The following LARS2 variants were observed in gnomAD, a reference collection of about 807,000 sequenced individuals.
The protein encoded by LARS2 is leucine--tRNA ligase, mitochondrial.
A neutral mutation model predicts 116.6 loss-of-function variants in LARS2; 81 were observed. The observed-to-expected ratio is 0.69, with a 90% CI of 0.58 to 0.84. The LOEUF (loss-of-function observed/expected upper bound fraction) is 0.84, where lower values mean the gene tolerates loss of function less well. Among genes scored for constraint, LARS2 ranks in the 40% least tolerant of loss-of-function variants. The probability of loss-of-function intolerance (pLI) is 0.00; values close to 1 mark genes in which losing one functional copy is unlikely to be tolerated. For missense variants in LARS2, 968 were observed against 1,114.5 expected (o/e 0.87, Z 1.87); for synonymous variants, 396 against 407.2 (o/e 0.97, Z 0.33).
chr3:45,393,205 A>G (rs1436249445), intron 2 of LARS2, among the ~76,000 whole-genome samples: 2 of 152,126 alleles, frequency 1.3e-5, no homozygotes, highest in African/African-American at 2.4e-5. Flanking sequence ...CATGTTATAT[A>G]TTTTTGTTTC....
chr3:45,390,240 C>T (rs1471585542), intron 1 of LARS2, among the ~76,000 whole-genome samples: 1 of 152,194 alleles, frequency 6.6e-6, no homozygotes, highest in African/African-American at 2.4e-5. Context: ...TTCATATTAA[C>T]TATATGTCCT....
intron 20 of LARS2, among the ~76,000 whole-genome samples, chr3:45,529,550 CAAA>C (rs796789532): frequency 2.1e-5 from 2 of 97,108 alleles, no homozygotes; most frequent in African/African-American, 3.8e-5. Flanking sequence ...ACTCCATCTC[CAAA>C]AAAAAAAAAA....
intron 12 of LARS2, among the ~76,000 whole-genome samples, chr3:45,489,446 C>A (rs1699873468): frequency 6.6e-6 from 1 of 151,776 alleles, no homozygotes; most frequent in Non-Finnish European, 1.5e-5. Flanking sequence ...CCCCCACCCC[C>A]ACCCCAGGGA....
intron 17 of LARS2, among the ~76,000 whole-genome samples, chr3:45,516,499 C>T (rs1350916066): frequency 6.6e-6 from 1 of 152,164 alleles, no homozygotes; most frequent in Non-Finnish European, 1.5e-5. Flanking sequence ...GTTGCAGATG[C>T]AGATTCCAGT....
chr3:45,414,767 A>C (rs1698388268), intron 4 of LARS2, among the ~76,000 whole-genome samples: 1 of 151,754 alleles, frequency 6.6e-6, no homozygotes, highest in Non-Finnish European at 1.5e-5. Context: ...AACTTACCCC[A>C]GGTTGACAGC....
chr3:45,491,822 G>A (rs1699921550), intron 13 of LARS2, 22 bp downstream of exon 13: 4 of 1,605,678 alleles, frequency 2.5e-6, no homozygotes, highest in African/African-American at 1.3e-5. Context: ...CATCCCTGCA[G>A]TGGTGACTGT....
intron 8 of LARS2, among the ~76,000 whole-genome samples, chr3:45,460,117 C>T (rs1699289694): frequency 1.3e-5 from 2 of 152,224 alleles, no homozygotes; most frequent in Admixed American, 6.5e-5. Flanking sequence ...CTCTAGTTTC[C>T]TCACATAAAA....
At chr3:45,496,702 C>G (rs993781632) in intron 14 of LARS2, among the ~76,000 whole-genome samples, 1 of 152,212 alleles carries the variant, frequency 6.6e-6, no homozygotes, top group Non-Finnish European at 1.5e-5. Flanking sequence ...TGGCTCTGCT[C>G]CAGCCCCTCC....
At chr3:45,541,671 G>A (rs920776290) in intron 20 of LARS2, 158 bp from the exon 21 acceptor site, 19 of 824,668 alleles carry the variant, frequency 2.3e-5, no homozygotes, top group Admixed American at 3.0e-5. Flanking sequence ...TTATAAACCA[G>A]GCCAAAGTGG....
At chr3:45,534,641 A>T (rs1471633271) in intron 20 of LARS2, among the ~76,000 whole-genome samples, 3 of 152,208 alleles carry the variant, frequency 2.0e-5, no homozygotes, top group Admixed American at 2.0e-4. Context: ...TTCTCCCCAA[A>T]GAGCAACAGA....
intron 4 of LARS2, among the ~76,000 whole-genome samples, chr3:45,409,151 G>T (rs990027928): frequency 6.6e-6 from 1 of 152,120 alleles, no homozygotes; most frequent in Non-Finnish European, 1.5e-5. Flanking sequence ...AGTTGAGAGG[G>T]TTCAGGTGGG....
intron 6 of LARS2, among the ~76,000 whole-genome samples, chr3:45,436,456 C>T (rs1222580723): frequency 6.6e-6 from 1 of 152,106 alleles, no homozygotes; most frequent in Non-Finnish European, 1.5e-5. Context: ...TTAATCTCAT[C>T]TGTAGTTTAA....
chr3:45,529,183 T>A (rs1240641128), intron 20 of LARS2, among the ~76,000 whole-genome samples: 1 of 152,184 alleles, frequency 6.6e-6, no homozygotes, highest in Non-Finnish European at 1.5e-5. Flanking sequence ...ACATCATTTT[T>A]AATGGTCATA....
At chr3:45,507,792 T>A (rs1033536783) in intron 15 of LARS2, among the ~76,000 whole-genome samples, 2 of 152,092 alleles carry the variant, frequency 1.3e-5, no homozygotes, top group Non-Finnish European at 2.9e-5. Context: ...ACACTAGCTA[T>A]CTCTGGGTGG....
chr3:45,410,607 A>G (rs536704687), intron 4 of LARS2, among the ~76,000 whole-genome samples: 68 of 152,284 alleles, frequency 4.5e-4, no homozygotes, highest in African/African-American at 1.6e-3. Flanking sequence ...CTTGAAGTAC[A>G]TCAATTTCCC....
At chr3:45,487,230 T>C (rs768040542) in intron 11 of LARS2, among the ~76,000 whole-genome samples, 31 of 152,362 alleles carry the variant, frequency 2.0e-4, no homozygotes, top group Middle Eastern at 3.4e-3. Context: ...TAAATGACTA[T>C]TTTCCTTTCT....
intron 7 of LARS2, among the ~76,000 whole-genome samples, chr3:45,456,108 A>G (rs773547278): frequency 6.6e-6 from 1 of 152,136 alleles, no homozygotes; most frequent in Admixed American, 6.6e-5. Flanking sequence ...CTAGTCAGTC[A>G]TAATGTTTTG....
intron 7 of LARS2, among the ~76,000 whole-genome samples, chr3:45,458,248 A>G (rs1333974467): frequency 6.6e-6 from 1 of 152,132 alleles, no homozygotes; most frequent in East Asian, 1.9e-4. Context: ...TCCCAAGCCT[A>G]TTGTAATAAG....
At chr3:45,501,180 C>A (rs1700114192) in intron 15 of LARS2, among the ~76,000 whole-genome samples, 1 of 50,518 alleles carries the variant, frequency 2.0e-5, no homozygotes, top group African/African-American at 3.4e-5. Context: ...TATATATGAA[C>A]ATACATGCCC....
Sources: gnomAD v4.1 joint callset for allele counts (sites outside exome capture counted in the v4.1 genomes callset) on GRCh38, gnomAD v4.1.1 for gene constraint, MANE v1.5 for transcripts, NCBI Gene and HGNC (gene_info 2026-07-23, HGNC 2026-07-21) for gene names.